ATP6V0A4: variants seen among roughly 807,000 people sequenced by gnomAD.
The protein encoded by ATP6V0A4 is ATPase H+ transporting V0 subunit a4, also known as V-type proton ATPase 116 kDa subunit a 4.
In ATP6V0A4, 86 loss-of-function variants were observed where a neutral mutation model predicts 107.3. The observed-to-expected ratio is 0.80, with a 90% confidence interval of 0.67 to 0.96. The LOEUF (loss-of-function observed/expected upper bound fraction) is 0.96, where lower values mean the gene tolerates loss of function less well. Ranked by LOEUF, ATP6V0A4 falls within the 40% of genes least tolerant of loss-of-function variation. ATP6V0A4 has a pLI of 0.00. For synonymous variants in ATP6V0A4, 353 were observed against 381.4 expected (o/e 0.93, Z 0.87); for missense variants, 908 against 1,045.6 (o/e 0.87, Z 1.81).
At chr7:138,789,190 T>C (rs889322107) in intron 1 of ATP6V0A4, among the ~76,000 whole-genome samples, 15 of 150,404 alleles carry the variant, frequency 1.0e-4, no homozygotes, top group African/African-American at 3.4e-4. Flanking sequence ...ATCTGCACCA[T>C]GTGAAACTTA....
chr7:138,718,561 G>A (rs185811120), intron 19 of ATP6V0A4, among the ~76,000 whole-genome samples: 26 of 127,816 alleles, frequency 2.0e-4, no homozygotes, highest in African/African-American at 7.0e-4. Context: ...TCTGCGGAGG[G>A]AGACATCCGG....
At chr7:138,769,421 T>G (rs1807266798) in intron 3 of ATP6V0A4, 170 bp from the exon 4 acceptor site, 1 of 669,794 alleles carries the variant, frequency 1.5e-6, no homozygotes, top group Non-Finnish European at 1.8e-6. Flanking sequence ...TTCAAGTGAT[T>G]CTTCTGCCTC....
At chr7:138,728,435 C>T (rs1235482103) in intron 18 of ATP6V0A4, among the ~76,000 whole-genome samples, 1 of 152,010 alleles carries the variant, frequency 6.6e-6, no homozygotes, top group Non-Finnish European at 1.5e-5. Flanking sequence ...CCACGTTAGC[C>T]AGGCTGGTCT....
chr7:138,786,654 G>C (rs1808191358), intron 1 of ATP6V0A4, among the ~76,000 whole-genome samples: 1 of 151,470 alleles, frequency 6.6e-6, no homozygotes. Flanking sequence ...ATAGCCTAAG[G>C]AGAGAGAGAG....
At chr7:138,765,101 G>T (rs1286708658) in intron 5 of ATP6V0A4, among the ~76,000 whole-genome samples, 1 of 152,042 alleles carries the variant, frequency 6.6e-6, no homozygotes, top group Non-Finnish European at 1.5e-5. Context: ...GGCACAAAGA[G>T]ATTTTTTTTA....
chr7:138,764,237 G>A (rs1806976033), intron 5 of ATP6V0A4, among the ~76,000 whole-genome samples: 1 of 151,908 alleles, frequency 6.6e-6, no homozygotes, highest in Non-Finnish European at 1.5e-5. Flanking sequence ...GAAAGGAGAT[G>A]GAGGAGGGGT....
In ATP6V0A4 at chr7:138,755,765, TAG is replaced by T; in HGVS notation, c.738_739del (p.Tyr247ProfsTer113). On this transcript the variant is annotated frameshift_variant, in exon 10 of 22. Transcript: ENST00000310018. LOFTEE classifies it high-confidence loss of function. Reference sequence around the variant, plus strand: ...CTCCACCGCAGGCTCTGGGCAAGGGTAGACAGTGGCTCGAAACCTGTGTTTAA... The same window carrying T: ...CTCCACCGCAGGCTCTGGGCAAGGGTACAGTGGCTCGAAACCTGTGTTTAA... The T allele has an allele frequency of 1.9e-6, 3 of 1,613,668 alleles. No individual in the cohort carries two copies. The highest frequency in any genetic ancestry group is 2.5e-6 in the Non-Finnish European group (3 of 1,180,042).
rs1398936914 is a variant in ATP6V0A4, at chr7:138,752,736, G to A, written c.918C>T (p.Tyr306=). The change falls in exon 11 of 22, where the codon TAC becomes TAT. Residue 306 remains tyrosine, a synonymous_variant. Transcript: ENST00000310018. ...CGATGTTGCACATGTTCAGGATGTGGTAGACAGCTTTCATCTTCTGCACCT... is the reference window on the plus strand; with the variant it reads ...CGATGTTGCACATGTTCAGGATGTGATAGACAGCTTTCATCTTCTGCACCT... ...LIKVQKMKAV[Y]HILNMCNIDV... 14 of 1,614,178 alleles carry A rather than the reference G, an allele frequency of 8.7e-6. No individual in the cohort carries two copies. Among genetic ancestry groups the A allele is most frequent in the Non-Finnish European group, 1.1e-5 (13 of 1,180,028 alleles).
rs1346302227 is a variant in ATP6V0A4, at chr7:138,771,067, T to G, written c.117+64A>C. 5 of 1,440,286 alleles carry G rather than the reference T, an allele frequency of 3.5e-6. No homozygotes were observed. The African/African-American group carries it at 5.6e-5, about 16-fold the overall frequency. The allele number at this position is 1,440,286 out of a possible 1,614,324, so 89.2% of individuals were successfully genotyped here. On this transcript the variant is annotated intron_variant, in intron 3 of 21. Coordinates refer to ENST00000310018, the MANE Select transcript of ATP6V0A4 (RefSeq NM_020632.3). ...GGTTATTGTTCACCATAAAGAAGTGTTGTGCAAGAGTTATCTACTCCCACC... is the reference window on the plus strand; with the variant it reads ...GGTTATTGTTCACCATAAAGAAGTGGTGTGCAAGAGTTATCTACTCCCACC...
chr7:138,759,932 G>A (rs200423757), intron 7 of ATP6V0A4, 54 bp from the exon 8 acceptor site: 1 of 1,613,030 alleles, frequency 6.2e-7, no homozygotes, highest in South Asian at 1.1e-5. Context: ...GGGATGCAGA[G>A]AGAAGGCCCT....
At chr7:138,772,732 G>A (rs1277256135) in intron 2 of ATP6V0A4, among the ~76,000 whole-genome samples, 1 of 152,142 alleles carries the variant, frequency 6.6e-6, no homozygotes, top group Non-Finnish European at 1.5e-5. Flanking sequence ...AGGGAACGGA[G>A]CCCTGGTCAT....
intron 18 of ATP6V0A4, among the ~76,000 whole-genome samples, chr7:138,726,321 A>T (rs1424528128): frequency 6.6e-6 from 1 of 152,244 alleles, no homozygotes; most frequent in African/African-American, 2.4e-5. Context: ...CAGTTATTTC[A>T]CTGTGACCTG....
At chr7:138,724,211 G>T (rs1465924653) in intron 18 of ATP6V0A4, among the ~76,000 whole-genome samples, 1 of 130,704 alleles carries the variant, frequency 7.7e-6, no homozygotes, top group Non-Finnish European at 1.6e-5. Flanking sequence ...AAAAAAAAAA[G>T]TGTGTGTATA....
intron 20 of ATP6V0A4, among the ~76,000 whole-genome samples, chr7:138,715,175 G>T (rs1236774909): frequency 6.6e-6 from 1 of 152,168 alleles, no homozygotes; most frequent in African/African-American, 2.4e-5. Flanking sequence ...AAAACTGGAA[G>T]ACACCAAATT....
At chr7:138,752,061 AG>A (rs1349167412) in intron 11 of ATP6V0A4, among the ~76,000 whole-genome samples, 2 of 152,164 alleles carry the variant, frequency 1.3e-5, no homozygotes, top group African/African-American at 4.8e-5. Context: ...AGTCTAGCTG[AG>A]AGACTGGCAC....
At chr7:138,777,369 C>G (rs1036096870) in intron 2 of ATP6V0A4, among the ~76,000 whole-genome samples, 7 of 151,870 alleles carry the variant, frequency 4.6e-5, no homozygotes, top group Non-Finnish European at 8.8e-5. Flanking sequence ...CATCCCAGCA[C>G]TTTGGGAGGC....
At chr7:138,783,337 G>A (rs752712814) in intron 2 of ATP6V0A4, among the ~76,000 whole-genome samples, 40 of 152,162 alleles carry the variant, frequency 2.6e-4, no homozygotes, top group Non-Finnish European at 4.1e-4. Flanking sequence ...ATGGGGGACC[G>A]AGGTGGGAGT....
At chr7:138,760,019 G>C (rs532607273) in intron 7 of ATP6V0A4, 141 bp from the exon 8 acceptor site, 8 of 1,482,802 alleles carry the variant, frequency 5.4e-6, no homozygotes, top group Non-Finnish European at 7.3e-6. Flanking sequence ...CAGCTCTACC[G>C]ACATGAGTCC....
At chr7:138,759,710 T>C (rs1164906996) in intron 8 of ATP6V0A4, 42 bp downstream of exon 8, 1 of 1,606,718 alleles carries the variant, frequency 6.2e-7, no homozygotes, top group Non-Finnish European at 8.5e-7. Context: ...CTGAGGGCTA[T>C]GGGAAGTCTC....
Sources: gnomAD v4.1 joint callset for allele counts (sites outside exome capture counted in the v4.1 genomes callset) on GRCh38, gnomAD v4.1.1 for gene constraint, MANE v1.5 for transcripts, NCBI Gene and HGNC (gene_info 2026-07-23, HGNC 2026-07-21) for gene names.